The following PTPRD variants were observed in gnomAD, a reference collection of about 807,000 sequenced individuals.
The protein encoded by PTPRD is protein tyrosine phosphatase receptor type D.
A neutral mutation model predicts 214.5 loss-of-function variants in PTPRD; 34 were observed. That is an observed-to-expected ratio of 0.16 (90% CI 0.12 to 0.21). The LOEUF (loss-of-function observed/expected upper bound fraction) is 0.21, where lower values mean the gene tolerates loss of function less well. PTPRD is among the 10% of genes least tolerant of loss of function. The pLI is 1.00. For synonymous variants in PTPRD, 1,128 were observed against 845.7 expected (o/e 1.33, Z -5.79); for missense variants, 2,545 against 2,398.7 (o/e 1.06, Z -1.27).
chr9:9,241,465 A>G (rs996046136), intron 9 of PTPRD, among the ~76,000 whole-genome samples: 12 of 152,132 alleles, frequency 7.9e-5, no homozygotes, highest in African/African-American at 2.9e-4. Context: ...ACATATTTTA[A>G]AATATGACCA....
intron 39 of PTPRD, among the ~76,000 whole-genome samples, chr9:8,372,856 C>G (rs369438733): frequency 6.6e-6 from 1 of 151,870 alleles, no homozygotes; most frequent in Admixed American, 6.6e-5. Context: ...TGTACTGCAC[C>G]GCCAGCCTGA....
chr9:10,361,067 A>C lies in PTPRD; in HGVS notation c.-599-20050T>G, dbSNP rs920585900. On this transcript the variant is annotated intron_variant, in intron 2 of 45. Transcript: ENST00000381196. ...TAGTGAGCCGAGATGGAGCCACTGC[A>C]CTCCAGCCTGGGCGACAGCGAGACT... is the stretch of plus-strand genomic sequence containing the variant. 3.9e-5 allele frequency among the ~76,000 whole-genome samples: 6 copies of C among 152,250 alleles called. No individual in the cohort carries two copies. The South Asian group carries it at 1.0e-3, about 26-fold the overall frequency.
At chr9:9,716,628 GT>G (rs2097839484) in intron 7 of PTPRD, among the ~76,000 whole-genome samples, 1 of 152,138 alleles carries the variant, frequency 6.6e-6, no homozygotes, top group African/African-American at 2.4e-5. Flanking sequence ...TTTTTCATGT[GT>G]TTTTTGGCTG....
chr9:9,403,888 T>G (rs1288903841), intron 8 of PTPRD, among the ~76,000 whole-genome samples: 1 of 151,846 alleles, frequency 6.6e-6, no homozygotes. Flanking sequence ...AGATAATTAG[T>G]GAAATGGAGA....
chr9:10,240,892 C>G (rs1192033394), intron 3 of PTPRD, among the ~76,000 whole-genome samples: 1 of 151,488 alleles, frequency 6.6e-6, no homozygotes, highest in African/African-American at 2.4e-5. Context: ...AAACCTAAAC[C>G]TTTTGCTCAT....
intron 14 of PTPRD, among the ~76,000 whole-genome samples, chr9:8,597,776 AC>A (rs1299490165): frequency 1.3e-5 from 2 of 152,158 alleles, no homozygotes; most frequent in African/African-American, 4.8e-5. Context: ...TGGCATTCAT[AC>A]AGAATCTGTC....
chr9:8,703,729 C>G (rs2098139893), intron 12 of PTPRD, among the ~76,000 whole-genome samples: 1 of 152,200 alleles, frequency 6.6e-6, no homozygotes, highest in Admixed American at 6.5e-5. Flanking sequence ...TCCCGTGGCT[C>G]TGTCACCATT....
chr9:9,291,835 G>T (rs1463822716), intron 9 of PTPRD, among the ~76,000 whole-genome samples: 2 of 148,926 alleles, frequency 1.3e-5, no homozygotes, highest in East Asian at 4.0e-4. Context: ...TATCTCAGAG[G>T]ATATATATGT....
chr9:9,278,683 G>A (rs1186482126), intron 9 of PTPRD, among the ~76,000 whole-genome samples: 1 of 151,306 alleles, frequency 6.6e-6, no homozygotes, highest in Non-Finnish European at 1.5e-5. Context: ...AAAAGTCCCA[G>A]ACATTTTAGT....
intron 4 of PTPRD, among the ~76,000 whole-genome samples, chr9:9,976,509 C>A (rs1320455856): frequency 6.6e-6 from 1 of 151,420 alleles, no homozygotes; most frequent in East Asian, 1.9e-4. Flanking sequence ...ACCTTAGCCT[C>A]CCAAGTAGCT....
At chr9:9,325,918 G>T (rs1262144086) in intron 9 of PTPRD, among the ~76,000 whole-genome samples, 2 of 152,098 alleles carry the variant, frequency 1.3e-5, no homozygotes, top group Non-Finnish European at 2.9e-5. Flanking sequence ...GTTGAACTTT[G>T]TCAAAGGCCT....
chr9:8,603,481 T>C (rs1399617590), intron 14 of PTPRD, among the ~76,000 whole-genome samples: 1 of 152,104 alleles, frequency 6.6e-6, no homozygotes, highest in African/African-American at 2.4e-5. Context: ...TCCTTAACGG[T>C]TTGCTTTCTC....
intron 14 of PTPRD, among the ~76,000 whole-genome samples, chr9:8,542,427 G>C (rs907103761): frequency 1.3e-5 from 2 of 152,160 alleles, no homozygotes; most frequent in African/African-American, 4.8e-5. Context: ...AGTGGAAAAA[G>C]TTCAGAATAA....
intron 7 of PTPRD, among the ~76,000 whole-genome samples, chr9:9,728,760 C>T (rs2098134989): frequency 6.6e-6 from 1 of 152,034 alleles, no homozygotes; most frequent in Non-Finnish European, 1.5e-5. Flanking sequence ...AGAACTTCAA[C>T]TATTATTAAA....
chr9:9,085,194 G>C (rs2099765232), intron 10 of PTPRD, among the ~76,000 whole-genome samples: 1 of 152,046 alleles, frequency 6.6e-6, no homozygotes, highest in Non-Finnish European at 1.5e-5. Flanking sequence ...TAATGGCATT[G>C]TGATAAAAAG....
chr9:9,950,444 G>GGAGTATGGTCTCAAATAACAGTAGCAGCA (rs1586923741), intron 4 of PTPRD, among the ~76,000 whole-genome samples: 1 of 96,112 alleles, frequency 1.0e-5, no homozygotes. Context: ...GAAAGTGGAG[G>GGAGTATGGTCTCAAATAACAGTAGCAGCA]CCGGGCGCGG....
At chr9:10,120,815 G>A (rs57243292) in intron 3 of PTPRD, among the ~76,000 whole-genome samples, 9,326 of 151,970 alleles carry the variant, frequency 0.061, 367 homozygotes, top group Admixed American at 0.1. Context: ...CTTAATAATT[G>A]CAGGCCAAAT....
intron 9 of PTPRD, among the ~76,000 whole-genome samples, chr9:9,388,580 T>C (rs10977712): frequency 0.02 from 3,100 of 152,214 alleles, 46 homozygotes; most frequent in Non-Finnish European, 0.03. Context: ...TGGTGAATGA[T>C]TCTAAGGCTT....
At chr9:10,541,421 G>C (rs1355454864) in intron 2 of PTPRD, among the ~76,000 whole-genome samples, 1 of 151,828 alleles carries the variant, frequency 6.6e-6, no homozygotes, top group African/African-American at 2.4e-5. Flanking sequence ...ATCATAAAAG[G>C]ATTATATGTT....
Sources: allele counts gnomAD v4.1 joint callset (sites outside exome capture counted in the v4.1 genomes callset), GRCh38; gene constraint gnomAD v4.1.1; transcripts MANE v1.5; gene names NCBI Gene and HGNC (gene_info 2026-07-23, HGNC 2026-07-21).